GPR149: variants seen among roughly 807,000 people sequenced by gnomAD.
The protein encoded by GPR149 is G protein-coupled receptor 149, also known as probable G protein-coupled receptor 149.
Under a neutral mutation model 50.2 loss-of-function variants are expected in GPR149, and 50 were observed. The observed-to-expected ratio is 1.00, with a 90% CI of 0.79 to 1.26. GPR149 has a LOEUF of 1.26. Ranked by LOEUF, GPR149 falls within the 50% of genes most tolerant of loss-of-function variation. GPR149 has a pLI of 0.00. For missense variants in GPR149, 983 were observed against 895.4 expected (o/e 1.10, Z -1.25); for synonymous variants, 405 against 358.2 (o/e 1.13, Z -1.48).
chr3:154,338,127 C>T lies in GPR149; in HGVS notation c.1768G>A (p.Glu590Lys), dbSNP rs374985361. The T allele has an allele frequency of 6.2e-7, 1 of 1,614,022 alleles. No homozygotes were observed. The highest frequency in any genetic ancestry group is 1.3e-5 in the African/African-American group (1 of 74,906). The change falls in exon 4 of 4, where the codon GAA (glutamate) becomes AAA (lysine). Residue 590 changes from glutamate to lysine, a missense_variant. Glu to Lys is a moderately conservative substitution (Grantham distance 56). Transcript: ENST00000389740. ...CCAACACTTTTGGATCGATAGACTT[C>T]TATTTTCTTAGAGGCTGGAGTTATT... ...QKITPASKKI[E>K]VYRSKSVGHE...
rs1713915553 is a variant in GPR149 at position 154,345,886 on chromosome 3, A to G, written c.1624-7615T>C. ...TTCTTATTTTATGAAAAAAGAACTC[A>G]TAGCCAGAGAGGTCAAACACTTGCC... On this transcript the variant is annotated intron_variant, in intron 3 of 3. Coordinates refer to ENST00000389740, the MANE Select transcript of GPR149 (RefSeq NM_001038705.3). 4.6e-5 allele frequency among the ~76,000 whole-genome samples: 7 copies of G among 152,340 alleles called. No individual in the cohort carries two copies. The South Asian group carries it at 1.2e-3, about 27-fold the overall frequency.
intron 2 of GPR149, among the ~76,000 whole-genome samples, chr3:154,423,573 T>C (rs1283314884): frequency 6.6e-6 from 1 of 151,898 alleles, no homozygotes; most frequent in Non-Finnish European, 1.5e-5. Context: ...AAGTAACTAA[T>C]GTACCTGAAC....
At chr3:154,397,556 ATT>A (rs1200846114) in intron 3 of GPR149, among the ~76,000 whole-genome samples, 1 of 150,608 alleles carries the variant, frequency 6.6e-6, no homozygotes, top group Non-Finnish European at 1.5e-5. Context: ...ATTCTAATAT[ATT>A]TTGTTATTAC....
intron 3 of GPR149, among the ~76,000 whole-genome samples, chr3:154,389,601 A>T (rs1202906063): frequency 6.6e-6 from 1 of 152,070 alleles, no homozygotes; most frequent in Non-Finnish European, 1.5e-5. Flanking sequence ...CTAACACATG[A>T]AGCAGCCCAG....
At chr3:154,426,936 T>TA (rs1712321393) in intron 2 of GPR149, among the ~76,000 whole-genome samples, 1 of 151,120 alleles carries the variant, frequency 6.6e-6, no homozygotes, top group South Asian at 2.1e-4. Context: ...GGCCTACACT[T>TA]ACAATTTGTT....
intron 3 of GPR149, among the ~76,000 whole-genome samples, chr3:154,414,816 G>C (rs1559989213): frequency 6.6e-6 from 1 of 151,932 alleles, no homozygotes; most frequent in Non-Finnish European, 1.5e-5. Context: ...CTTCAAAAGA[G>C]TAAACGTCCT....
At chr3:154,399,824 C>T (rs1711507078) in intron 3 of GPR149, among the ~76,000 whole-genome samples, 1 of 152,122 alleles carries the variant, frequency 6.6e-6, no homozygotes, top group Admixed American at 6.5e-5. Context: ...CCTCCACACT[C>T]CAGCTTGAAA....
At chr3:154,418,843 C>G (rs1712059356) in intron 3 of GPR149, among the ~76,000 whole-genome samples, 1 of 151,708 alleles carries the variant, frequency 6.6e-6, no homozygotes, top group South Asian at 2.1e-4. Flanking sequence ...GGTCACTATT[C>G]AACTTTGACT....
chr3:154,397,711 A>G (rs940787313), intron 3 of GPR149, among the ~76,000 whole-genome samples: 12 of 152,170 alleles, frequency 7.9e-5, no homozygotes, highest in African/African-American at 2.9e-4. Context: ...GCTGATTTAA[A>G]GCTAGCACTG....
At chr3:154,358,336 C>T (rs1193051821) in intron 3 of GPR149, among the ~76,000 whole-genome samples, 1 of 151,952 alleles carries the variant, frequency 6.6e-6, no homozygotes, top group Non-Finnish European at 1.5e-5. Flanking sequence ...GCTAAATAAA[C>T]CCCAAAGTAT....
intron 3 of GPR149, among the ~76,000 whole-genome samples, chr3:154,358,318 G>T (rs972848918): frequency 6.6e-6 from 1 of 151,938 alleles, no homozygotes; most frequent in Non-Finnish European, 1.5e-5. Context: ...ATAAAAGAAA[G>T]AAGTTGGGCT....
intron 3 of GPR149, chr3:154,353,303 T>C: frequency 2.1e-6 from 3 of 1,425,912 alleles, no homozygotes; most frequent in East Asian, 2.3e-5. Context: ...CCTGTTCATA[T>C]CTGGATTTCA....
At position 154,412,746 on chromosome 3, in the gene GPR149, C is replaced by A. The variant is rs528879029; in HGVS notation, c.1623+8293G>T. Among the ~76,000 whole-genome samples the A allele has an allele frequency of 5.9e-5, 9 of 152,142 alleles. No homozygotes were observed. The South Asian group carries it at 1.9e-3, about 32-fold the overall frequency. Reference sequence around the variant, plus strand: ...TACTGCCAAAGGAAATCTACAAATTCAATGCAATTCTCATCAAAACACCAC... The same window carrying A: ...TACTGCCAAAGGAAATCTACAAATTAAATGCAATTCTCATCAAAACACCAC... On this transcript the variant is annotated intron_variant, in intron 3 of 3. Transcript: ENST00000389740.
In GPR149 at chr3:154,390,340, T is replaced by C. The variant is rs977078497; in HGVS notation, c.1623+30699A>G. Among the ~76,000 whole-genome samples, 4 of 151,884 alleles carry C rather than the reference T, an allele frequency of 2.6e-5. No individual in the cohort carries two copies. The East Asian group carries it at 5.8e-4, about 22-fold the overall frequency. ...TCAGTGAGTTCAGGAGAACAAAGCA[T>C]ATAAACAAAAGGAGAATTTCAACAA... On this transcript the variant is annotated intron_variant, in intron 3 of 3. Coordinates refer to ENST00000389740, the MANE Select transcript of GPR149 (RefSeq NM_001038705.3).
chr3:154,350,651 C>T (rs551390825), intron 3 of GPR149, among the ~76,000 whole-genome samples: 1 of 152,122 alleles, frequency 6.6e-6, no homozygotes, highest in Admixed American at 6.5e-5. Flanking sequence ...CTACAAAAAT[C>T]CCAGCAAGAT....
At chr3:154,411,994 A>G (rs1250930242) in intron 3 of GPR149, among the ~76,000 whole-genome samples, 4 of 152,172 alleles carry the variant, frequency 2.6e-5, no homozygotes, top group Non-Finnish European at 4.4e-5. Flanking sequence ...CAAAAAGAGA[A>G]TCCACCATGA....
intron 3 of GPR149, among the ~76,000 whole-genome samples, chr3:154,395,157 C>T (rs1715260150): frequency 6.6e-6 from 1 of 151,814 alleles, no homozygotes; most frequent in South Asian, 2.1e-4. Flanking sequence ...AAAACCAGAA[C>T]AGATATGAAG....
At chr3:154,350,801 A>G (rs765942212) in intron 3 of GPR149, among the ~76,000 whole-genome samples, 8 of 152,206 alleles carry the variant, frequency 5.3e-5, no homozygotes, top group Non-Finnish European at 1.0e-4. Context: ...CCTCCTGTGG[A>G]TAGCAAAATC....
intron 3 of GPR149, among the ~76,000 whole-genome samples, chr3:154,348,829 A>C (rs1004751602): frequency 6.6e-6 from 1 of 152,176 alleles, no homozygotes; most frequent in African/African-American, 2.4e-5. Flanking sequence ...CAGAATACAC[A>C]TTATTTTCAA....
Sources: allele counts gnomAD v4.1 joint callset (sites outside exome capture counted in the v4.1 genomes callset), GRCh38; gene constraint gnomAD v4.1.1; transcripts MANE v1.5; gene names NCBI Gene and HGNC (gene_info 2026-07-23, HGNC 2026-07-21).